PIK3C2G: variants seen among roughly 807,000 people sequenced by gnomAD.
The protein encoded by PIK3C2G is phosphatidylinositol 3-kinase C2 domain-containing subunit gamma.
In PIK3C2G, 168 loss-of-function variants were observed where a neutral mutation model predicts 181.1. That is an observed-to-expected ratio of 0.93 (90% CI 0.82 to 1.05). PIK3C2G has a LOEUF of 1.05. PIK3C2G is among the 50% of genes least tolerant of loss of function. The probability of loss-of-function intolerance (pLI) is 0.00; values close to 1 mark genes in which losing one functional copy is unlikely to be tolerated. For missense variants in PIK3C2G, 1,869 were observed against 1,732.8 expected (o/e 1.08, Z -1.40); for synonymous variants, 573 against 592.2 (o/e 0.97, Z 0.47).
intron 18 of PIK3C2G, among the ~76,000 whole-genome samples, chr12:18,473,572 G>A (rs1181110388): frequency 6.6e-6 from 1 of 152,088 alleles, no homozygotes. Flanking sequence ...TAGAAATAAT[G>A]TATCTAGAGC....
At chr12:18,726,643 A>G in the PIK3C2G span, among the ~76,000 whole-genome samples, 1 of 150,828 alleles carries the variant, frequency 6.6e-6, no homozygotes, top group African/African-American at 2.4e-5. Context: ...TATTGTCACC[A>G]TTTTCCATTT....
intron 24 of PIK3C2G, among the ~76,000 whole-genome samples, chr12:18,536,643 AAG>A (rs1373411634): frequency 6.6e-6 from 1 of 152,016 alleles, no homozygotes; most frequent in African/African-American, 2.4e-5. Flanking sequence ...CAGCAATTCT[AAG>A]AGTTAGGTGG....
At chr12:18,387,596 G>C (rs1034818728) in intron 14 of PIK3C2G, among the ~76,000 whole-genome samples, 1 of 151,836 alleles carries the variant, frequency 6.6e-6, no homozygotes, top group Non-Finnish European at 1.5e-5. Flanking sequence ...TTCCACCCAC[G>C]GACCCTCTAG....
intron 22 of PIK3C2G, among the ~76,000 whole-genome samples, chr12:18,502,126 C>A (rs1941534932): frequency 6.6e-6 from 1 of 152,108 alleles, no homozygotes; most frequent in Non-Finnish European, 1.5e-5. Flanking sequence ...ATGGATATTC[C>A]CAGGACCTGT....
At chr12:18,518,616 C>T (rs1171290751) in intron 24 of PIK3C2G, among the ~76,000 whole-genome samples, 1 of 150,126 alleles carries the variant, frequency 6.7e-6, no homozygotes, top group Non-Finnish European at 1.5e-5. Flanking sequence ...CTATTTGATC[C>T]TTCTCTCTTT....
At chr12:18,720,328 A>G in the PIK3C2G span, among the ~76,000 whole-genome samples, 1 of 151,900 alleles carries the variant, frequency 6.6e-6, no homozygotes, top group Non-Finnish European at 1.5e-5. Flanking sequence ...AAAAATAACC[A>G]GTAAATGTCT....
chr12:18,252,124 T>C (rs1948100887), intron 1 of PIK3C2G, among the ~76,000 whole-genome samples: 1 of 152,180 alleles, frequency 6.6e-6, no homozygotes, highest in Non-Finnish European at 1.5e-5. Flanking sequence ...ATATTTTTAC[T>C]TCTCAGGCAA....
intron 29 of PIK3C2G, among the ~76,000 whole-genome samples, chr12:18,574,413 A>T (rs576838126): frequency 1.2e-4 from 19 of 152,330 alleles, no homozygotes; most frequent in South Asian, 1.0e-3. Flanking sequence ...TATCTGTAAC[A>T]TTCAGTTTGC....
chr12:18,666,843 T>C, the PIK3C2G span, among the ~76,000 whole-genome samples: 1 of 152,224 alleles, frequency 6.6e-6, no homozygotes, highest in Non-Finnish European at 1.5e-5. Flanking sequence ...ATGTGGTATA[T>C]GGAAACTCCA....
At chr12:18,659,327 A>T in the PIK3C2G span, among the ~76,000 whole-genome samples, 439 of 152,250 alleles carry the variant, frequency 2.9e-3, 4 homozygotes, top group African/African-American at 1.0e-2. Flanking sequence ...TAGTCAGACA[A>T]AATAAGCTGC....
At chr12:18,367,977 G>A (rs139015602) in intron 12 of PIK3C2G, among the ~76,000 whole-genome samples, 6 of 152,242 alleles carry the variant, frequency 3.9e-5, no homozygotes, top group African/African-American at 1.4e-4. Context: ...TTCTTCACCA[G>A]GTGGCAGGAA....
chr12:18,410,528 A>T (rs954364109), intron 16 of PIK3C2G, among the ~76,000 whole-genome samples: 4 of 150,866 alleles, frequency 2.7e-5, no homozygotes, highest in Admixed American at 2.6e-4. Flanking sequence ...AAAAAAAAAA[A>T]GATTATTTTT....
intron 24 of PIK3C2G, among the ~76,000 whole-genome samples, chr12:18,532,430 TC>T (rs1224961588): frequency 6.6e-6 from 1 of 152,160 alleles, no homozygotes; most frequent in Non-Finnish European, 1.5e-5. Flanking sequence ...TCCTTTTTTT[TC>T]CTAAAAGTTG....
rs1475126547 is a variant in PIK3C2G, at chr12:18,282,769, A to G, written c.678+10A>G. ...GCAGAAGAATATAGAGGTAAGTATA[A>G]TACATGTCAATGTAAAAATATGAAT... On this transcript the variant is annotated intron_variant, in intron 2 of 32. Transcript: ENST00000538779. 7.4e-6 allele frequency: 11 copies of G among 1,478,706 alleles called. No homozygotes were observed. Among genetic ancestry groups the G allele is most frequent in the Admixed American group, 2.2e-5 (1 of 45,644 alleles). The allele number at this position is 1,478,706 out of a possible 1,614,324, so 91.6% of individuals were successfully genotyped here. A position where few individuals can be genotyped will look rare whatever the true frequency, so the allele number is the denominator to read the frequency against.
intron 26 of PIK3C2G, among the ~76,000 whole-genome samples, chr12:18,549,719 G>A (rs1037541565): frequency 6.6e-6 from 1 of 151,878 alleles, no homozygotes; most frequent in Non-Finnish European, 1.5e-5. Context: ...CCTTTTATCC[G>A]GAATACCTCA....
intron 31 of PIK3C2G, among the ~76,000 whole-genome samples, chr12:18,633,207 G>T (rs1242326394): frequency 6.6e-6 from 1 of 152,100 alleles, no homozygotes; most frequent in East Asian, 1.9e-4. Flanking sequence ...AATGAATAAT[G>T]CTTAAATACT....
the PIK3C2G span, among the ~76,000 whole-genome samples, chr12:18,712,263 T>C: frequency 1.3e-5 from 2 of 152,136 alleles, no homozygotes; most frequent in African/African-American, 2.4e-5. Flanking sequence ...TTAGAACTCC[T>C]TAACATTGAG....
chr12:18,307,459 T>C (rs759974095), intron 5 of PIK3C2G, among the ~76,000 whole-genome samples: 1 of 151,948 alleles, frequency 6.6e-6, no homozygotes, highest in Non-Finnish European at 1.5e-5. Context: ...AAATAAAACA[T>C]AGGTAGTGCT....
intron 31 of PIK3C2G, among the ~76,000 whole-genome samples, chr12:18,638,838 C>T (rs1016863335): frequency 4.6e-5 from 7 of 151,778 alleles, no homozygotes; most frequent in African/African-American, 1.7e-4. Context: ...CTAAGTTTTA[C>T]CCACTAAGTT....
Sources: gnomAD v4.1 joint callset for allele counts (sites outside exome capture counted in the v4.1 genomes callset) on GRCh38, gnomAD v4.1.1 for gene constraint, MANE v1.5 for transcripts, NCBI Gene and HGNC (gene_info 2026-07-23, HGNC 2026-07-21) for gene names.